SNTG2: variants seen among roughly 807,000 people sequenced by gnomAD.
The protein encoded by SNTG2 is syntrophin gamma 2.
A neutral mutation model predicts 70.9 loss-of-function variants in SNTG2; 74 were observed. The observed-to-expected ratio is 1.04, with a 90% CI of 0.86 to 1.27. The LOEUF (loss-of-function observed/expected upper bound fraction) is 1.27, where lower values mean the gene tolerates loss of function less well. Ranked by LOEUF, SNTG2 falls within the 50% of genes most tolerant of loss-of-function variation. SNTG2 has a pLI of 0.00. For missense variants in SNTG2, 717 were observed against 690.7 expected (o/e 1.04, Z -0.43); for synonymous variants, 278 against 273.8 (o/e 1.02, Z -0.15).
At position 1,238,103 on chromosome 2, in the gene SNTG2, A is replaced by G; in HGVS notation, c.849+86A>G. 2.0e-6 allele frequency: 3 copies of G among 1,472,248 alleles called. No homozygotes were observed. In the South Asian group the frequency reaches 3.8e-5, roughly 19 times the overall value. The allele number at this position is 1,472,248 out of a possible 1,614,324, so 91.2% of individuals were successfully genotyped here. A position where few individuals can be genotyped will look rare whatever the true frequency, so the allele number is the denominator to read the frequency against. ...GACATCATGTTTCTGATGATTTATGATTAACCCGAAACAGAAAATCATGTA... is the reference window on the plus strand; with the variant it reads ...GACATCATGTTTCTGATGATTTATGGTTAACCCGAAACAGAAAATCATGTA... On this transcript the variant is annotated intron_variant, in intron 10 of 16. Coordinates refer to ENST00000308624, the MANE Select transcript of SNTG2 (RefSeq NM_018968.4).
intron 1 of SNTG2, among the ~76,000 whole-genome samples, chr2:1,000,545 A>G (rs539959197): frequency 6.6e-6 from 1 of 152,022 alleles, no homozygotes; most frequent in East Asian, 1.9e-4. Context: ...ATTCTTGGAA[A>G]TATACAACCT....
intron 1 of SNTG2, among the ~76,000 whole-genome samples, chr2:951,926 C>T (rs1659983079): frequency 6.6e-6 from 1 of 152,162 alleles, no homozygotes; most frequent in African/African-American, 2.4e-5. Flanking sequence ...AGTTAGCCCT[C>T]CCTTATAGGA....
intron 8 of SNTG2, among the ~76,000 whole-genome samples, chr2:1,191,199 CAT>C (rs1672572610): frequency 6.6e-6 from 1 of 152,186 alleles, no homozygotes; most frequent in South Asian, 2.1e-4. Context: ...TCTCCCTTAT[CAT>C]ATCTCTTTTC....
intron 12 of SNTG2, among the ~76,000 whole-genome samples, chr2:1,257,452 C>T (rs148753991): frequency 6.4e-4 from 98 of 152,218 alleles, no homozygotes; most frequent in African/African-American, 2.2e-3. Context: ...GGCAGGACTA[C>T]GGCAAAACCA....
At chr2:1,316,957 G>T (rs112219251) in intron 16 of SNTG2, among the ~76,000 whole-genome samples, 72 of 88,178 alleles carry the variant, frequency 8.2e-4, no homozygotes, top group South Asian at 3.2e-3. Flanking sequence ...CTGGAGCATT[G>T]AGCATCAGGC....
At chr2:1,042,441 T>C (rs942000097) in intron 1 of SNTG2, among the ~76,000 whole-genome samples, 14 of 152,148 alleles carry the variant, frequency 9.2e-5, no homozygotes, top group East Asian at 5.8e-4. Context: ...TTTTGTGTCA[T>C]GGGGGTTTGG....
intron 14 of SNTG2, among the ~76,000 whole-genome samples, chr2:1,275,486 G>A (rs1679231063): frequency 6.6e-6 from 1 of 152,126 alleles, no homozygotes; most frequent in Non-Finnish European, 1.5e-5. Context: ...TTCAGTTTTT[G>A]TTGTTACTGT....
chr2:1,088,278 T>C (rs1664804020), intron 2 of SNTG2, among the ~76,000 whole-genome samples: 1 of 152,236 alleles, frequency 6.6e-6, no homozygotes, highest in African/African-American at 2.4e-5. Context: ...TCTTCCATTT[T>C]TCTCAGATCC....
chr2:1,279,924 T>C (rs906639436), intron 14 of SNTG2, among the ~76,000 whole-genome samples: 1 of 152,246 alleles, frequency 6.6e-6, no homozygotes, highest in Non-Finnish European at 1.5e-5. Flanking sequence ...AATAAGTCAC[T>C]GAACCTTCCT....
At chr2:985,888 C>T (rs1487810696) in intron 1 of SNTG2, among the ~76,000 whole-genome samples, 2 of 152,106 alleles carry the variant, frequency 1.3e-5, no homozygotes, top group African/African-American at 2.4e-5. Context: ...AGTGTTATCA[C>T]AGTTTCATGG....
At chr2:1,002,925 A>G (rs1044916309) in intron 1 of SNTG2, among the ~76,000 whole-genome samples, 1 of 151,920 alleles carries the variant, frequency 6.6e-6, no homozygotes, top group Non-Finnish European at 1.5e-5. Flanking sequence ...CATAAAAAAG[A>G]ATACAATCTT....
At chr2:1,032,093 C>T (rs1488518839) in intron 1 of SNTG2, among the ~76,000 whole-genome samples, 1 of 152,110 alleles carries the variant, frequency 6.6e-6, no homozygotes, top group Non-Finnish European at 1.5e-5. Context: ...TTGCTTGTGA[C>T]AGGTGGAAGG....
At chr2:986,040 AG>A (rs1340294027) in intron 1 of SNTG2, among the ~76,000 whole-genome samples, 1 of 151,432 alleles carries the variant, frequency 6.6e-6, no homozygotes, top group African/African-American at 2.4e-5. Context: ...TACTATTTAC[AG>A]GGAAAAATAC....
rs556652723 is a variant in SNTG2, at chr2:1,079,374, T to C, written c.73-4144T>C. On this transcript the variant is annotated intron_variant, in intron 1 of 16. Transcript: ENST00000308624. ...ACTAAGGCCAATTTGACATAATGTG[T>C]GTTAGTATAGAAGAAAGGGATTAGC... 5.9e-5 allele frequency among the ~76,000 whole-genome samples: 9 copies of C among 152,328 alleles called. No homozygotes were observed. The East Asian group carries it at 1.2e-3, about 20-fold the overall frequency.
chr2:1,204,139 C>T (rs540965365), intron 8 of SNTG2, among the ~76,000 whole-genome samples: 1 of 152,232 alleles, frequency 6.6e-6, no homozygotes, highest in South Asian at 2.1e-4. Flanking sequence ...GGAGGGATTG[C>T]CTGCAAACGG....
At chr2:1,142,096 C>G (rs1398186953) in intron 6 of SNTG2, among the ~76,000 whole-genome samples, 1 of 152,212 alleles carries the variant, frequency 6.6e-6, no homozygotes, top group East Asian at 1.9e-4. Flanking sequence ...GTTCTGGGAA[C>G]TGACTCTCTC....
intron 4 of SNTG2, among the ~76,000 whole-genome samples, chr2:1,116,303 C>A (rs1308459662): frequency 6.6e-6 from 1 of 152,150 alleles, no homozygotes. Flanking sequence ...ATCAGCCTGA[C>A]AACATTGGAA....
At chr2:1,141,741 C>G (rs776210300) in intron 6 of SNTG2, among the ~76,000 whole-genome samples, 1 of 152,144 alleles carries the variant, frequency 6.6e-6, no homozygotes, top group Non-Finnish European at 1.5e-5. Flanking sequence ...CAGACACCAA[C>G]GTGGAGGTTC....
chr2:1,213,025 C>G (rs1674147814), intron 9 of SNTG2, among the ~76,000 whole-genome samples: 1 of 152,172 alleles, frequency 6.6e-6, no homozygotes, highest in Non-Finnish European at 1.5e-5. Context: ...GTGGGTGTCC[C>G]CTCTGACTCT....
Sources: gnomAD v4.1 joint callset for allele counts (sites outside exome capture counted in the v4.1 genomes callset) on GRCh38, gnomAD v4.1.1 for gene constraint, MANE v1.5 for transcripts, NCBI Gene and HGNC (gene_info 2026-07-23, HGNC 2026-07-21) for gene names.